The following CDK5RAP3 variants were observed in gnomAD, a reference collection of about 807,000 sequenced individuals.
CDK5RAP3 encodes CDK5 regulatory subunit-associated protein 3.
A neutral mutation model predicts 73.3 loss-of-function variants in CDK5RAP3; 58 were observed. That is an observed-to-expected ratio of 0.79 (90% confidence interval 0.64 to 0.98). The LOEUF is 0.98. Ranked by LOEUF, CDK5RAP3 falls within the 50% of genes least tolerant of loss-of-function variation. The pLI is 0.00. For missense variants in CDK5RAP3, 525 were observed against 615.8 expected, an observed-to-expected ratio of 0.85 and a Z score of 1.56; for synonymous variants, 224 against 247.5, an observed-to-expected ratio of 0.91 and a Z score of 0.89.
At chr17:47,977,787 G>A in intron 9 of CDK5RAP3, 45 bp from the exon 10 acceptor site, 1 of 1,548,352 alleles carries the variant, frequency 6.5e-7, no homozygotes, top group Non-Finnish European at 8.9e-7. Flanking sequence ...CCTTGGCTCA[G>A]GAAAATTCTC....
At position 47,975,862 on chromosome 17, in the gene CDK5RAP3, G is replaced by C. The variant is rs751914618; in HGVS notation, c.654-7G>C. The C allele has an allele frequency of 6.2e-7, 1 of 1,614,178 alleles. No individual in the cohort carries two copies. Among genetic ancestry groups the C allele is most frequent in the Non-Finnish European group, 8.5e-7 (1 of 1,180,048 alleles). On this transcript the variant is annotated splice_polypyrimidine_tract_variant and splice_region_variant and intron_variant, in intron 7 of 13. Coordinates refer to ENST00000338399, the MANE Select transcript of CDK5RAP3 (RefSeq NM_176096.3). ...GGCAGGAGAGTCAGTTGTGTGCTCT[G>C]TTGAAGCCCCACAGAGCAGGTGTTG... is the stretch of plus-strand genomic sequence containing the variant.
chr17:47,977,696 C>A, intron 9 of CDK5RAP3, 136 bp from the exon 10 acceptor site: 1 of 696,684 alleles, frequency 1.4e-6, no homozygotes. Context: ...ATTTTTGGCA[C>A]CTAAGTCAGG....
upstream of CDK5RAP3, chr17:47,970,738 C>A: frequency 6.5e-7 from 1 of 1,533,774 alleles, no homozygotes; most frequent in Non-Finnish European, 8.7e-7. Context: ...TTGCAACGGC[C>A]TCCCAGATCG....
upstream of CDK5RAP3, among the ~76,000 whole-genome samples, chr17:47,970,013 C>T (rs2036230723): frequency 6.6e-6 from 1 of 152,164 alleles, no homozygotes; most frequent in African/African-American, 2.4e-5. Flanking sequence ...TCCTCAGATC[C>T]AGCCCTTCCC....
rs1208786805 is a variant in CDK5RAP3 at position 47,976,772 on chromosome 17, G to A, written c.859G>A (p.Ala287Thr). 6.2e-7 allele frequency: 1 copy of A among 1,612,168 alleles called. No homozygotes were observed. The highest frequency in any genetic ancestry group is 8.5e-7 in the Non-Finnish European group (1 of 1,179,112). The change falls in exon 9 of 14, where the codon GCC becomes ACC. Residue 287 changes from alanine (A) to threonine (T), a missense_variant. Physicochemically the swap from Ala to Thr is moderately conservative, Grantham distance 58 (BLOSUM62 0). This residue lies in a region of CDK5RAP3 where 409 missense variants were observed against 429.8 expected (regional missense o/e 0.95). Transcript: ENST00000338399. ...VSEGTDSGISAEAAGIDWGIF... is the reference protein window; with the variant it reads ...VSEGTDSGISTEAAGIDWGIF... The stretch of plus-strand genomic sequence containing the variant: ...TGAGGGGACTGACTCTGGCATCTCT[G>A]CCGAGGCTGCTGGAATCGACTGGGG...
rs757352543 is a variant in CDK5RAP3, at chr17:47,971,379, C to T, written c.24C>T (p.Pro8=). ...CCCGCCAGGACCATCAGCACGTGCC[C>T]ATCGACATCCAGACCAGCAAGCTGC... MEDHQHV[P]IDIQTSKLLD... is the part of the protein sequence containing the mutation. Residue 8 remains proline, a synonymous_variant, in exon 2 of 14, where the codon CCC becomes CCT. Transcript: ENST00000338399. The T allele has an allele frequency of 1.2e-6, 2 of 1,610,212 alleles. No individual in the cohort carries two copies. Among genetic ancestry groups the T allele is most frequent in the East Asian group, 2.2e-5 (1 of 44,770 alleles).
Position 47,975,232 on chromosome 17 carries a change from C to G in CDK5RAP3, c.408C>G (p.Cys136Trp). ...IPSLKKQIAKCQQLQQEYSRK... is the reference protein window; with the variant it reads ...IPSLKKQIAKWQQLQQEYSRK... ...CACTGAAGAAGCAGATTGCCAAGTG[C>G]CAGCAGCTGCAGCAAGAATACAGCC... is the stretch of plus-strand genomic sequence containing the variant. The change falls in exon 6 of 14, where the codon TGC becomes TGG. Residue 136 changes from cysteine (C) to tryptophan (W), a missense_variant. Physicochemically the swap from Cys to Trp is radical, Grantham distance 215 (BLOSUM62 -2). Around this residue, in one of 2 missense-constraint regions of CDK5RAP3, gnomAD observed 409 missense variants for 429.8 expected, o/e 0.95. Transcript: ENST00000338399. The G allele has an allele frequency of 6.2e-7, 1 of 1,614,168 alleles. No individual in the cohort carries two copies. Among genetic ancestry groups the G allele is most frequent in the Non-Finnish European group, 8.5e-7 (1 of 1,180,030 alleles).
chr17:47,974,094 C>A, intron 4 of CDK5RAP3, 63 bp downstream of exon 4: 1 of 1,134,090 alleles, frequency 8.8e-7, no homozygotes, highest in Non-Finnish European at 1.3e-6. Context: ...GAGTCATAGC[C>A]TCTGTGGTCT....
chr17:47,969,838 G>A (rs2144204298), upstream of CDK5RAP3, among the ~76,000 whole-genome samples: 1 of 152,228 alleles, frequency 6.6e-6, no homozygotes, highest in Non-Finnish European at 1.5e-5. Flanking sequence ...TGCCAGACTA[G>A]GTTCAAAGCT....
rs2036549691 is a variant in CDK5RAP3, at chr17:47,981,350, G to A, written c.1455+16G>A. 1 of 1,613,880 alleles carries A rather than the reference G, an allele frequency of 6.2e-7. No homozygotes were observed. The highest frequency in any genetic ancestry group is 8.5e-7 in the Non-Finnish European group (1 of 1,179,734). On this transcript the variant is annotated intron_variant, in intron 13 of 13. Coordinates refer to ENST00000338399, the MANE Select transcript of CDK5RAP3 (RefSeq NM_176096.3). The stretch of plus-strand genomic sequence containing the variant: ...GCAGAAGCTGGTGAGATGGGAAAGG[G>A]AGGCCTGCCAGTGGGAGGACTCCCA...
chr17:47,978,758 T>G, intron 10 of CDK5RAP3, 71 bp from the exon 11 acceptor site: 1 of 1,169,914 alleles, frequency 8.5e-7, no homozygotes, highest in Non-Finnish European at 1.3e-6. Flanking sequence ...CTCCAGGGCT[T>G]CTCACACTTG....
chr17:47,976,130 G>A, intron 8 of CDK5RAP3, 117 bp downstream of exon 8: 1 of 1,336,274 alleles, frequency 7.5e-7, no homozygotes, highest in Non-Finnish European at 1.0e-6. Flanking sequence ...CTGTGAGAGT[G>A]ACTGTAGGTA....
upstream of CDK5RAP3, among the ~76,000 whole-genome samples, chr17:47,969,580 A>AAAAAAAAAAAAAAAAAAAG (rs1567720961): frequency 1.8e-4 from 23 of 131,374 alleles, 1 homozygote; most frequent in African/African-American, 6.5e-4. Context: ...AAAAAAAAAA[A>AAAAAAAAAAAAAAAAAAAG]AAAAGAAAAG....
At chr17:47,974,056 G>C (rs1189587743) in intron 4 of CDK5RAP3, 25 bp downstream of exon 4, 1 of 1,525,562 alleles carries the variant, frequency 6.6e-7, no homozygotes, top group South Asian at 1.1e-5. Flanking sequence ...AGGGCCGGTA[G>C]TATGTGGTTG....
At chr17:47,968,662 C>T (rs2036213092), upstream of CDK5RAP3, among the ~76,000 whole-genome samples, 1 of 152,204 alleles carries the variant, frequency 6.6e-6, no homozygotes, top group African/African-American at 2.4e-5. Context: ...GGATTACAGG[C>T]GTACGCCACC....
At chr17:47,978,069 GT>G (rs71366815) in intron 10 of CDK5RAP3, 159 bp downstream of exon 10, 7,385 of 296,210 alleles carry the variant, frequency 0.025, no homozygotes, top group Middle Eastern at 0.044. Context: ...ACCAAGAGAG[GT>G]TTTTTTTTTT....
rs748523854 is a variant in CDK5RAP3 at position 47,973,608 on chromosome 17, A to T, written c.142A>T (p.Met48Leu). ...GAAGATCAATGCTGCCATCCAGGAC[A>T]TGCCAGAGAGCGAAGAGATCGCCCA... is the stretch of plus-strand genomic sequence containing the variant. ...REKINAAIQD[M>L]PESEEIAQLL... Residue 48 changes from methionine to leucine, a missense_variant, in exon 3 of 14, where the codon ATG becomes TTG. Physicochemically the swap from Met to Leu is conservative, Grantham distance 15. Coordinates refer to ENST00000338399, the MANE Select transcript of CDK5RAP3 (RefSeq NM_176096.3). 3.1e-6 allele frequency: 5 copies of T among 1,614,092 alleles called. No homozygotes were observed. The highest frequency in any genetic ancestry group is 4.2e-6 in the Non-Finnish European group (5 of 1,180,034).
At chr17:47,979,133 G>C in intron 11 of CDK5RAP3, 1 of 542,826 alleles carries the variant, frequency 1.8e-6, no homozygotes, top group Non-Finnish European at 3.3e-6. Flanking sequence ...ACCAGAACTT[G>C]GGTGGTGAAT....
intron 2 of CDK5RAP3, 57 bp downstream of exon 2, chr17:47,971,464 C>A (rs965634820): frequency 4.0e-6 from 6 of 1,491,652 alleles, no homozygotes; most frequent in East Asian, 4.8e-5. Flanking sequence ...TGCGTTGCCC[C>A]CTGTGTCCAA....
Sources: gnomAD v4.1 joint callset for allele counts (sites outside exome capture counted in the v4.1 genomes callset) on GRCh38, gnomAD v4.1.1 for gene constraint, gnomAD v4.1.1 regional missense constraint, MANE v1.5 for transcripts, NCBI Gene and HGNC (gene_info 2026-07-23, HGNC 2026-07-21) for gene names.